The following IMMP2L variants were observed in gnomAD, a reference collection of about 807,000 sequenced individuals.
IMMP2L encodes mitochondrial inner membrane protease subunit 2.
In IMMP2L, 18 loss-of-function variants were observed where a neutral mutation model predicts 19.3. That is an observed-to-expected ratio of 0.93 (90% CI 0.64 to 1.38). The LOEUF is 1.38. Among genes scored for constraint, IMMP2L ranks in the 40% most tolerant of loss-of-function variants. IMMP2L has a pLI of 0.00. For missense variants in IMMP2L, 233 were observed against 218.2 expected, an observed-to-expected ratio of 1.07 and a Z score of -0.43; for synonymous variants, 76 against 73.0, an observed-to-expected ratio of 1.04 and a Z score of -0.21.
At chr7:111,036,369 T>C (rs1427572008) in intron 3 of IMMP2L, among the ~76,000 whole-genome samples, 2 of 152,196 alleles carry the variant, frequency 1.3e-5, no homozygotes, top group African/African-American at 2.4e-5. Flanking sequence ...CTCAGCTTTC[T>C]CATTCTTAAA....
intron 3 of IMMP2L, among the ~76,000 whole-genome samples, chr7:111,223,920 A>G (rs1257905483): frequency 6.6e-6 from 1 of 152,152 alleles, no homozygotes; most frequent in African/African-American, 2.4e-5. Flanking sequence ...GCATCTTATG[A>G]TATGAAATGA....
chr7:111,018,044 C>T (rs1825882787), intron 3 of IMMP2L, among the ~76,000 whole-genome samples: 1 of 152,182 alleles, frequency 6.6e-6, no homozygotes, highest in South Asian at 2.1e-4. Flanking sequence ...TTATCAATCA[C>T]TTGCAAGTTA....
At chr7:111,302,064 GGCCCAGGTCAGT>G (rs1430446142) in intron 3 of IMMP2L, among the ~76,000 whole-genome samples, 4 of 151,334 alleles carry the variant, frequency 2.6e-5, no homozygotes, top group African/African-American at 9.7e-5. Flanking sequence ...ACACTGCACA[GGCCCAGGTCAGT>G]ACCCATTAGC....
intron 5 of IMMP2L, among the ~76,000 whole-genome samples, chr7:110,681,044 A>G (rs1327406027): frequency 1.3e-5 from 2 of 150,380 alleles, no homozygotes; most frequent in Non-Finnish European, 3.0e-5. Flanking sequence ...TTCTAAAATT[A>G]GTAAGGATTA....
chr7:111,080,175 T>C (rs905083999), intron 3 of IMMP2L, among the ~76,000 whole-genome samples: 1 of 152,198 alleles, frequency 6.6e-6, no homozygotes, highest in African/African-American at 2.4e-5. Context: ...TTGGTGTTAA[T>C]TGAAATGTAG....
intron 5 of IMMP2L, among the ~76,000 whole-genome samples, chr7:110,688,975 G>C (rs975520225): frequency 6.6e-6 from 1 of 152,064 alleles, no homozygotes; most frequent in Non-Finnish European, 1.5e-5. Context: ...GGAATTACAG[G>C]TCATCTCTGT....
At chr7:111,556,014 G>GTGTATATATA in intron 1 of IMMP2L, among the ~76,000 whole-genome samples, 3 of 114,602 alleles carry the variant, frequency 2.6e-5, no homozygotes, top group South Asian at 3.1e-4. Flanking sequence ...TCTTCTGTGT[G>GTGTATATATA]CATGTATATA....
chr7:110,756,986 T>C (rs557972568), intron 5 of IMMP2L, among the ~76,000 whole-genome samples: 43 of 152,242 alleles, frequency 2.8e-4, no homozygotes, highest in South Asian at 1.0e-3. Context: ...TTATTGTATT[T>C]ACTATGTGCC....
At chr7:111,374,314 GTA>G (rs1381008091) in intron 3 of IMMP2L, among the ~76,000 whole-genome samples, 1 of 152,008 alleles carries the variant, frequency 6.6e-6, no homozygotes, top group Non-Finnish European at 1.5e-5. Context: ...TGATCATTCT[GTA>G]GCTAGTAAAG....
intron 4 of IMMP2L, among the ~76,000 whole-genome samples, chr7:110,941,066 CT>C (rs1385742919): frequency 6.6e-6 from 1 of 152,148 alleles, no homozygotes; most frequent in Non-Finnish European, 1.5e-5. Flanking sequence ...TGATAATACT[CT>C]CTTTAAAATG....
chr7:110,728,857 A>C lies in IMMP2L; in HGVS notation c.409-65136T>G, dbSNP rs1796066920. On this transcript the variant is annotated intron_variant, in intron 5 of 5. Coordinates refer to ENST00000405709, the MANE Select transcript of IMMP2L (RefSeq NM_032549.4). This position sits in a 1 kb window ranked among gnomAD's most constrained non-coding sequence, Gnocchi z 4.6. ...GGACTTAAGGTCCTTGTCCATGGTA[A>C]TACAAATAGTATATGGTAGAAGTGG... is the stretch of plus-strand genomic sequence containing the variant. Among the ~76,000 whole-genome samples the C allele has an allele frequency of 6.6e-6, 1 of 152,166 alleles. No homozygotes were observed. Among genetic ancestry groups the C allele is most frequent in the African/African-American group, 2.4e-5 (1 of 41,436 alleles).
At chr7:111,536,359 G>T (rs1847888470) in intron 1 of IMMP2L, among the ~76,000 whole-genome samples, 1 of 151,684 alleles carries the variant, frequency 6.6e-6, no homozygotes, top group African/African-American at 2.4e-5. Flanking sequence ...CCACGCTGGA[G>T]TGCAGTGGCA....
At chr7:111,312,624 A>C (rs573339231) in intron 3 of IMMP2L, among the ~76,000 whole-genome samples, 17 of 152,244 alleles carry the variant, frequency 1.1e-4, no homozygotes, top group Admixed American at 2.0e-4. Context: ...AATCCATAAC[A>C]GTCAATTACA....
At chr7:111,348,693 G>A (rs866337966) in intron 3 of IMMP2L, among the ~76,000 whole-genome samples, 1 of 152,096 alleles carries the variant, frequency 6.6e-6, no homozygotes, top group South Asian at 2.1e-4. Flanking sequence ...ATCATTTATA[G>A]AACTAGACTT....
chr7:111,209,954 G>A (rs1394001562), intron 3 of IMMP2L, among the ~76,000 whole-genome samples: 2 of 152,084 alleles, frequency 1.3e-5, no homozygotes, highest in African/African-American at 2.4e-5. Context: ...TTCATGGGAG[G>A]GAAGTACAGT....
chr7:110,850,829 A>G (rs953198583), intron 5 of IMMP2L, among the ~76,000 whole-genome samples: 5 of 151,988 alleles, frequency 3.3e-5, no homozygotes, highest in African/African-American at 4.8e-5. Context: ...ACTGGAATAT[A>G]TATTTATAAA....
At chr7:111,352,205 T>C (rs1319696612) in intron 3 of IMMP2L, among the ~76,000 whole-genome samples, 1 of 151,930 alleles carries the variant, frequency 6.6e-6, no homozygotes. Flanking sequence ...TGACAGGATA[T>C]GGGAGAAGTA....
intron 3 of IMMP2L, among the ~76,000 whole-genome samples, chr7:111,205,763 T>A (rs1810634257): frequency 6.6e-6 from 1 of 152,164 alleles, no homozygotes; most frequent in African/African-American, 2.4e-5. Flanking sequence ...GCTCTAGAGC[T>A]GAGTCTAATC....
At chr7:111,523,250 G>A (rs1432144165) in intron 1 of IMMP2L, among the ~76,000 whole-genome samples, 1 of 151,898 alleles carries the variant, frequency 6.6e-6, no homozygotes, top group African/African-American at 2.4e-5. Flanking sequence ...TTGTATTCTT[G>A]AAAAATGTAA....
Sources: gnomAD v4.1 joint callset for allele counts (sites outside exome capture counted in the v4.1 genomes callset) on GRCh38, gnomAD v4.1.1 for gene constraint, Gnocchi (gnomAD v3.1) non-coding constraint, MANE v1.5 for transcripts, NCBI Gene and HGNC (gene_info 2026-07-23, HGNC 2026-07-21) for gene names.